Variants in SMYD3 observed in about 807,000 individuals in gnomAD.
SMYD3 encodes histone-lysine N-methyltransferase SMYD3.
A neutral mutation model predicts 57.7 loss-of-function variants in SMYD3; 36 were observed. The ratio of observed to expected loss-of-function variants is 0.62; its 90% CI spans 0.48 to 0.82. The LOEUF is 0.82. Among genes scored for constraint, SMYD3 ranks in the 40% least tolerant of loss-of-function variants. The pLI, the probability that SMYD3 is intolerant of heterozygous loss-of-function variation, is 0.00. For synonymous variants in SMYD3, 211 were observed against 195.0 expected (o/e 1.08, Z -0.68); for missense variants, 515 against 538.8 (o/e 0.96, Z 0.44).
chr1:246,056,932 G>C (rs2060162093), intron 5 of SMYD3, among the ~76,000 whole-genome samples: 1 of 152,148 alleles, frequency 6.6e-6, no homozygotes, highest in African/African-American at 2.4e-5. Context: ...ACACTTCCCA[G>C]GTCCCGTCCT....
chr1:245,808,686 A>G (rs2148278208), intron 10 of SMYD3, among the ~76,000 whole-genome samples: 1 of 152,120 alleles, frequency 6.6e-6, no homozygotes, highest in East Asian at 1.9e-4. Context: ...AGTGTGCCTC[A>G]GCCTCTTCTT....
At chr1:246,357,676 CA>C (rs1321646751) in intron 1 of SMYD3, among the ~76,000 whole-genome samples, 2 of 152,046 alleles carry the variant, frequency 1.3e-5, no homozygotes, top group African/African-American at 2.4e-5. Flanking sequence ...CCTCCTTAAA[CA>C]AAACAATTAT....
chr1:246,065,541 T>C (rs566722183), intron 5 of SMYD3, among the ~76,000 whole-genome samples: 50 of 152,366 alleles, frequency 3.3e-4, no homozygotes, highest in African/African-American at 1.1e-3. Flanking sequence ...TGTTAAAGTA[T>C]GCTTATTAGA....
intron 5 of SMYD3, chr1:246,109,722 T>C (rs1003387844): frequency 2.0e-5 from 3 of 152,222 alleles, no homozygotes; most frequent in Admixed American, 2.0e-4. Flanking sequence ...TACTGATAAT[T>C]GATCTCCTGG....
chr1:245,815,089 C>T (rs2048726349), intron 10 of SMYD3, among the ~76,000 whole-genome samples: 1 of 152,210 alleles, frequency 6.6e-6, no homozygotes, highest in Non-Finnish European at 1.5e-5. Context: ...TTAGGTACAA[C>T]CTCCAAGGAA....
chr1:246,285,145 C>T (rs61841270), intron 5 of SMYD3, among the ~76,000 whole-genome samples: 39,041 of 151,944 alleles, frequency 0.26, 5,604 homozygotes, highest in Middle Eastern at 0.42. Flanking sequence ...TCCCCAAAGT[C>T]CATTGTATTA....
chr1:246,302,793 T>C (rs1456975431), intron 5 of SMYD3, among the ~76,000 whole-genome samples: 2 of 152,096 alleles, frequency 1.3e-5, no homozygotes, highest in South Asian at 2.1e-4. Context: ...CAGGAGTTAA[T>C]AGCAAAAGAA....
intron 5 of SMYD3, among the ~76,000 whole-genome samples, chr1:246,132,313 T>A (rs1238772146): frequency 6.6e-6 from 1 of 152,136 alleles, no homozygotes; most frequent in East Asian, 1.9e-4. Context: ...TTAATTGGGT[T>A]ATGAAAAAAA....
At chr1:246,099,287 C>T (rs2060969662) in intron 5 of SMYD3, among the ~76,000 whole-genome samples, 1 of 152,126 alleles carries the variant, frequency 6.6e-6, no homozygotes, top group Non-Finnish European at 1.5e-5. Flanking sequence ...CAAAATTTGA[C>T]CATTCTATCT....
In SMYD3 at chr1:245,939,172, T is replaced by A. The variant is rs536164134; in HGVS notation, c.532-9235A>T. ...AAAAAAATTAAAAAATAAAAAAATTTAAAAAAAAAAGAATGTGAAGAAAAT... is the reference window on the plus strand; with the variant it reads ...AAAAAAATTAAAAAATAAAAAAATTAAAAAAAAAAAGAATGTGAAGAAAAT... On this transcript the variant is annotated intron_variant, in intron 5 of 11. Coordinates refer to ENST00000490107, the MANE Select transcript of SMYD3 (RefSeq NM_001167740.2). 5.9e-3 allele frequency among the ~76,000 whole-genome samples: 878 copies of A among 148,302 alleles called. 11 individuals are homozygous for A. The highest frequency in any genetic ancestry group is 0.019 in the African/African-American group (778 of 40,716).
intron 5 of SMYD3, among the ~76,000 whole-genome samples, chr1:245,961,657 G>C (rs757566172): frequency 9.9e-5 from 15 of 152,012 alleles, no homozygotes; most frequent in Non-Finnish European, 1.9e-4. Flanking sequence ...AAACATCCTA[G>C]ATGTTAAGAT....
chr1:246,481,006 G>A (rs1190096835), intron 1 of SMYD3, among the ~76,000 whole-genome samples: 2 of 151,928 alleles, frequency 1.3e-5, no homozygotes, highest in Admixed American at 1.3e-4. Context: ...CACAATATTG[G>A]CCAGGCTGAT....
At chr1:246,112,382 G>A (rs946149) in intron 5 of SMYD3, among the ~76,000 whole-genome samples, 24,772 of 152,106 alleles carry the variant, frequency 0.16, 3,603 homozygotes, top group African/African-American at 0.39. Flanking sequence ...AAAGTGGTAA[G>A]ATATTCTTAT....
intron 5 of SMYD3, among the ~76,000 whole-genome samples, chr1:246,149,580 G>T (rs1386731264): frequency 6.6e-6 from 1 of 151,858 alleles, no homozygotes; most frequent in African/African-American, 2.4e-5. Context: ...AAAATAATGA[G>T]GCAGATAAAA....
intron 5 of SMYD3, among the ~76,000 whole-genome samples, chr1:246,172,027 T>C (rs112244764): frequency 6.6e-6 from 1 of 152,114 alleles, no homozygotes; most frequent in Non-Finnish European, 1.5e-5. Flanking sequence ...GAAAAGAAAG[T>C]TATGAAAGAT....
intron 5 of SMYD3, among the ~76,000 whole-genome samples, chr1:246,306,560 TATA>T (rs1558390739): frequency 6.6e-6 from 1 of 152,208 alleles, no homozygotes; most frequent in Non-Finnish European, 1.5e-5. Flanking sequence ...AGTACTTTAG[TATA>T]ATACTTAAGA....
In SMYD3 at chr1:246,031,392, T is replaced by C. The variant is rs554710945; in HGVS notation, c.532-101455A>G. On this transcript the variant is annotated intron_variant, in intron 5 of 11. Transcript: ENST00000490107. Reference sequence around the variant, plus strand: ...AAGTATTAACTGGCAAAATCCATTATTACAATAGAAATAACATTGATCCCT... The same window carrying C: ...AAGTATTAACTGGCAAAATCCATTACTACAATAGAAATAACATTGATCCCT... Among the ~76,000 whole-genome samples the C allele has an allele frequency of 5.3e-5, 8 of 152,236 alleles. No homozygotes were observed. The East Asian group carries it at 1.4e-3, about 26-fold the overall frequency.
At chr1:246,154,130 C>T (rs765848122) in intron 5 of SMYD3, among the ~76,000 whole-genome samples, 1 of 152,204 alleles carries the variant, frequency 6.6e-6, no homozygotes, top group Non-Finnish European at 1.5e-5. Context: ...TTGGCTATAT[C>T]CACTCATGTG....
At chr1:246,462,035 C>T (rs2067805292) in intron 1 of SMYD3, among the ~76,000 whole-genome samples, 1 of 152,068 alleles carries the variant, frequency 6.6e-6, no homozygotes, top group Non-Finnish European at 1.5e-5. Context: ...GTAGGGAGGG[C>T]AAGGAAGGCT....
Sources: gnomAD v4.1 joint callset for allele counts (sites outside exome capture counted in the v4.1 genomes callset) on GRCh38, gnomAD v4.1.1 for gene constraint, MANE v1.5 for transcripts, NCBI Gene and HGNC (gene_info 2026-07-23, HGNC 2026-07-21) for gene names.